The following TNFSF18 variants were observed in gnomAD, a reference collection of about 807,000 sequenced individuals.
The protein encoded by TNFSF18 is TNF superfamily member 18.
TNFSF18 carries 6 observed loss-of-function variants against 9.6 expected under a neutral mutation model. That is an observed-to-expected ratio of 0.63 (90% confidence interval 0.34 to 1.24). The LOEUF (loss-of-function observed/expected upper bound fraction) is 1.24, where lower values mean the gene tolerates loss of function less well. Ranked by LOEUF, TNFSF18 falls within the 50% of genes most tolerant of loss-of-function variation. The pLI is 0.03. For synonymous variants in TNFSF18, 68 were observed against 71.7 expected, an observed-to-expected ratio of 0.95 and a Z score of 0.26; for missense variants, 210 against 201.0, an observed-to-expected ratio of 1.04 and a Z score of -0.27.
intron 1 of TNFSF18, among the ~76,000 whole-genome samples, chr1:173,044,365 T>C (rs115634217): frequency 1.3e-5 from 2 of 152,124 alleles, no homozygotes; most frequent in Admixed American, 1.3e-4. Flanking sequence ...ATAGTGAAGC[T>C]TCTATTTATG....
intron 1 of TNFSF18, among the ~76,000 whole-genome samples, chr1:173,049,598 T>C (rs1210651696): frequency 6.6e-6 from 1 of 152,162 alleles, no homozygotes; most frequent in Admixed American, 6.6e-5. Flanking sequence ...TTAATATCAA[T>C]AGGGGACTGC....
chr1:173,044,060 G>A, intron 1 of TNFSF18, 91 bp from the exon 2 acceptor site: 4 of 1,163,080 alleles, frequency 3.4e-6, no homozygotes, highest in Non-Finnish European at 5.2e-6. Flanking sequence ...AATTCCTGAA[G>A]CAAACTAGTG....
Position 173,041,436 on chromosome 1 carries a change from C to T in TNFSF18, c.465G>A (p.Glu155=), listed in dbSNP as rs779794985. The change falls in exon 3 of 3, where the codon GAG becomes GAA. Residue 155 remains glutamate, a synonymous_variant. Coordinates refer to ENST00000404377, the MANE Select transcript of TNFSF18 (RefSeq NM_005092.4). ...ATGTATTATTTTTTAGAACCTGATG[C>T]TCAGAGTTGAATATCAAGTCTATGG... ...GDTIDLIFNS[E]HQVLKNNTYW... 9 of 1,613,456 alleles carry T rather than the reference C, an allele frequency of 5.6e-6. No homozygotes were observed. The Middle Eastern group carries it at 8.3e-4, about 148-fold the overall frequency.
At chr1:173,050,347 AT>A (rs957960805) in intron 1 of TNFSF18, among the ~76,000 whole-genome samples, 1 of 151,958 alleles carries the variant, frequency 6.6e-6, no homozygotes, top group Non-Finnish European at 1.5e-5. Flanking sequence ...GTCTTTCACT[AT>A]TTTTTTAAGT....
At chr1:173,050,317 C>A (rs1045311750) in intron 1 of TNFSF18, among the ~76,000 whole-genome samples, 1 of 152,122 alleles carries the variant, frequency 6.6e-6, no homozygotes, top group Non-Finnish European at 1.5e-5. Context: ...ACACAAACCA[C>A]CTGTCATTTA....
Position 173,044,006 on chromosome 1 carries a change from T to C in TNFSF18, c.157-37A>G, listed in dbSNP as rs368939568. ...ATAAAAGATGAATTGATTAGGATGATGACAGTGTCATTAATTTTTTTGATT... is the reference window on the plus strand; with the variant it reads ...ATAAAAGATGAATTGATTAGGATGACGACAGTGTCATTAATTTTTTTGATT... On this transcript the variant is annotated intron_variant, in intron 1 of 2. Transcript: ENST00000404377. 21 of 1,588,334 alleles carry C rather than the reference T, an allele frequency of 1.3e-5. No individual in the cohort carries two copies. In the Middle Eastern group the frequency reaches 5.0e-4, roughly 38 times the overall value.
At chr1:173,047,667 T>C (rs1443467404) in intron 1 of TNFSF18, among the ~76,000 whole-genome samples, 1 of 152,224 alleles carries the variant, frequency 6.6e-6, no homozygotes, top group Non-Finnish European at 1.5e-5. Context: ...CACCATCTAC[T>C]AGCATGTATG....
rs377349680 is a variant in TNFSF18, at chr1:173,045,265, G to A, written c.157-1296C>T. 7.2e-5 allele frequency among the ~76,000 whole-genome samples: 11 copies of A among 152,184 alleles called. No homozygotes were observed. The East Asian group carries it at 2.1e-3, about 29-fold the overall frequency. ...TGGGGCGTTGTGATGTTTAGAGGTC[G>A]GAGAATGAGAAAGAACAAGCAAGGG... On this transcript the variant is annotated intron_variant, in intron 1 of 2. Transcript: ENST00000404377.
In TNFSF18 at chr1:173,043,957, G is replaced by A. The variant is rs748358005; in HGVS notation, c.169C>T (p.Pro57Ser). ...IFLQLETAKE[P>S]CMAKFGPLPS... The stretch of plus-strand genomic sequence containing the variant: ...TACTCACCAAACTTAGCCATACAGG[G>A]CTCCTTAGCAGTCTGTTGGGGAAAT... The change falls in exon 2 of 3, where the codon CCC (proline) becomes TCC (serine). Residue 57 changes from proline to serine, a missense_variant. By Grantham distance (74) the Pro-to-Ser change is moderately conservative. Coordinates refer to ENST00000404377, the MANE Select transcript of TNFSF18 (RefSeq NM_005092.4). The A allele has an allele frequency of 5.6e-6, 9 of 1,612,766 alleles. No homozygotes were observed. The Admixed American group carries it at 1.2e-4, about 21-fold the overall frequency.
rs1664956309 is a variant in TNFSF18, at chr1:173,039,453, G to C, written c.*1914C>G. On this transcript the variant is annotated 3_prime_UTR_variant, in exon 3 of 3. Transcript: ENST00000404377. ...TATGATTATCCCAGGAATGAAGCGG[G>C]GGCAGAGAGGAGTCATTAAGGAGAG... is the stretch of plus-strand genomic sequence containing the variant. Among the ~76,000 whole-genome samples the C allele has an allele frequency of 6.6e-6, 1 of 151,936 alleles. No individual in the cohort carries two copies. Among genetic ancestry groups the C allele is most frequent in the African/African-American group, 2.4e-5 (1 of 41,364 alleles).
intron 1 of TNFSF18, among the ~76,000 whole-genome samples, chr1:173,046,800 T>C (rs1665090640): frequency 6.6e-6 from 1 of 152,144 alleles, no homozygotes; most frequent in Non-Finnish European, 1.5e-5. Context: ...TAATATGTTA[T>C]TGAAAGGGAG....
chr1:173,047,688 A>G (rs2101928216), intron 1 of TNFSF18, among the ~76,000 whole-genome samples: 1 of 152,356 alleles, frequency 6.6e-6, no homozygotes, highest in South Asian at 2.1e-4. Flanking sequence ...AGATGTGCTC[A>G]GAGAAACCTA....
At chr1:173,042,451 C>T (rs1281872368) in intron 2 of TNFSF18, among the ~76,000 whole-genome samples, 3 of 152,032 alleles carry the variant, frequency 2.0e-5, no homozygotes, top group Non-Finnish European at 2.9e-5. Context: ...TAAATTATGG[C>T]TGTTCTCCTC....
At chr1:173,044,864 C>T (rs1419964601) in intron 1 of TNFSF18, among the ~76,000 whole-genome samples, 1 of 152,120 alleles carries the variant, frequency 6.6e-6, no homozygotes, top group Non-Finnish European at 1.5e-5. Flanking sequence ...GACCAAGGTG[C>T]TAGCTCTGTA....
chr1:173,048,929 A>G (rs1665124070), intron 1 of TNFSF18, among the ~76,000 whole-genome samples: 1 of 152,214 alleles, frequency 6.6e-6, no homozygotes, highest in African/African-American at 2.4e-5. Flanking sequence ...AGAAGCTAAT[A>G]TCATGTATGG....
Position 173,041,047 on chromosome 1 carries a change from T to C in TNFSF18, c.*320A>G, listed in dbSNP as rs868470626. 5.0e-6 allele frequency: 1 copy of C among 201,658 alleles called. No individual in the cohort carries two copies. The highest frequency in any genetic ancestry group is 1.2e-4 in the East Asian group (1 of 8,572). 12.5% of individuals were successfully genotyped at this position (201,658 alleles called of 1,614,324 possible). A position where few individuals can be genotyped will look rare whatever the true frequency, so the allele number is the denominator to read the frequency against. Reference sequence around the variant, plus strand: ...TTTTGCATACCAGGTAAATCTTCCATGGGAATAGAACTCCATTTTTCCACT... The same window carrying C: ...TTTTGCATACCAGGTAAATCTTCCACGGGAATAGAACTCCATTTTTCCACT... On this transcript the variant is annotated 3_prime_UTR_variant, in exon 3 of 3. Transcript: ENST00000404377.
In TNFSF18 at chr1:173,047,642, C is replaced by T. The variant is rs1475198967; in HGVS notation, c.156+3099G>A. Among the ~76,000 whole-genome samples the T allele has an allele frequency of 6.6e-5, 10 of 152,260 alleles. No homozygotes were observed. The East Asian group carries it at 1.9e-3, about 29-fold the overall frequency. On this transcript the variant is annotated intron_variant, in intron 1 of 2. Coordinates refer to ENST00000404377, the MANE Select transcript of TNFSF18 (RefSeq NM_005092.4). ...TATGAATGAGTGCCAAAATACGTGC[C>T]ACAGATAGTATCTGCACCATCTACT...
At position 173,041,302 on chromosome 1, in the gene TNFSF18, C is replaced by T; in HGVS notation, c.*65G>A. On this transcript the variant is annotated 3_prime_UTR_variant, in exon 3 of 3. Coordinates refer to ENST00000404377, the MANE Select transcript of TNFSF18 (RefSeq NM_005092.4). The stretch of plus-strand genomic sequence containing the variant: ...AAACTCTAGAAATTGAATATCTTCT[C>T]CCTCCAATCCACCCACTGGCACCTC... 7.8e-7 allele frequency: 1 copy of T among 1,279,838 alleles called. No individual in the cohort carries two copies. The highest frequency in any genetic ancestry group is 1.1e-6 in the Non-Finnish European group (1 of 920,924). The allele number at this position is 1,279,838 out of a possible 1,614,324, so 79.3% of individuals were successfully genotyped here. A position where few individuals can be genotyped will look rare whatever the true frequency, so the allele number is the denominator to read the frequency against.
rs775846588 is a variant in TNFSF18 at position 173,050,917 on chromosome 1, T to G, written c.-21A>C. On this transcript the variant is annotated 5_prime_UTR_variant, in exon 1 of 3. Transcript: ENST00000404377. ...CACATTTTTGGAGAAATGAGAGCTG[T>G]GGAAAACAAAAATTCACAAGTGATG... 6.2e-7 allele frequency: 1 copy of G among 1,613,824 alleles called. No homozygotes were observed. The highest frequency in any genetic ancestry group is 1.1e-5 in the South Asian group (1 of 91,064).
Sources: gnomAD v4.1 joint callset for allele counts (sites outside exome capture counted in the v4.1 genomes callset) on GRCh38, gnomAD v4.1.1 for gene constraint, MANE v1.5 for transcripts, NCBI Gene and HGNC (gene_info 2026-07-23, HGNC 2026-07-21) for gene names.